Variants in TNS3 observed in about 807,000 individuals in gnomAD.
TNS3 encodes the protein tensin-3.
Under a neutral mutation model 140.9 loss-of-function variants are expected in TNS3, and 45 were observed. That is an observed-to-expected ratio of 0.32 (90% confidence interval 0.25 to 0.41). The LOEUF is 0.41. Ranked by LOEUF, TNS3 falls within the 10% of genes least tolerant of loss-of-function variation. TNS3 has a pLI of 1.00. For synonymous variants in TNS3, 815 were observed against 788.4 expected, an observed-to-expected ratio of 1.03 and a Z score of -0.56; for missense variants, 1,716 against 1,906.7, an observed-to-expected ratio of 0.90 and a Z score of 1.86.
intron 27 of TNS3, among the ~76,000 whole-genome samples, chr7:47,287,316 A>G (rs1785472388): frequency 6.6e-6 from 1 of 152,210 alleles, no homozygotes; most frequent in Middle Eastern, 3.2e-3. Flanking sequence ...TGGCCTTAAT[A>G]TTTAAAAAAA....
chr7:47,455,316 A>AC (rs1796202087), intron 4 of TNS3, among the ~76,000 whole-genome samples: 1 of 152,136 alleles, frequency 6.6e-6, no homozygotes, highest in South Asian at 2.1e-4. Context: ...TGAGAGGATC[A>AC]CCCCAACTCA....
chr7:47,278,029 C>T lies in TNS3; in HGVS notation c.*47G>A. 1 of 1,613,448 alleles carries T rather than the reference C, an allele frequency of 6.2e-7. No homozygotes were observed. On this transcript the variant is annotated 3_prime_UTR_variant, in exon 31 of 31. Transcript: ENST00000311160. ...CCCCACCCTCACCCAACGGCTGTCT[C>T]CAGGGCTTCGAGAGGCATCGGTGGG...
intron 12 of TNS3, among the ~76,000 whole-genome samples, chr7:47,413,511 G>C (rs1289618455): frequency 6.6e-6 from 1 of 151,718 alleles, no homozygotes. Context: ...AGGCCGAGAC[G>C]GGTAGATCAC....
intron 4 of TNS3, among the ~76,000 whole-genome samples, chr7:47,472,000 G>A (rs931424912): frequency 6.6e-6 from 1 of 152,194 alleles, no homozygotes; most frequent in Admixed American, 6.5e-5. Flanking sequence ...GCGGCAGGCT[G>A]CGCTCCTTCT....
At chr7:47,428,418 A>C in intron 8 of TNS3, 42 bp from the exon 9 acceptor site, 6 of 1,346,904 alleles carry the variant, frequency 4.5e-6, no homozygotes, top group Non-Finnish European at 5.8e-6. Context: ...CTGAAATCCC[A>C]CAGCAGAGAT....
chr7:47,566,808 G>C (rs1382800106), intron 1 of TNS3, among the ~76,000 whole-genome samples: 1 of 152,102 alleles, frequency 6.6e-6, no homozygotes, highest in Non-Finnish European at 1.5e-5. Context: ...GGGACACCCA[G>C]GCAGGTGGAT....
chr7:47,543,308 A>C (rs1799839390), intron 1 of TNS3, among the ~76,000 whole-genome samples: 1 of 152,204 alleles, frequency 6.6e-6, no homozygotes, highest in Non-Finnish European at 1.5e-5. Flanking sequence ...CTATCCAGCA[A>C]ACATCTTCAC....
chr7:47,351,990 ACACT>A (rs1045044843), intron 17 of TNS3, among the ~76,000 whole-genome samples: 3 of 152,086 alleles, frequency 2.0e-5, no homozygotes, highest in Admixed American at 1.3e-4. Context: ...ACATGTATGA[ACACT>A]CACTCTCACG....
chr7:47,472,364 A>G (rs892625242), intron 4 of TNS3, among the ~76,000 whole-genome samples: 1 of 152,180 alleles, frequency 6.6e-6, no homozygotes, highest in African/African-American at 2.4e-5. Context: ...TCCAGGTCGA[A>G]TGTTCTCATA....
intron 1 of TNS3, among the ~76,000 whole-genome samples, chr7:47,576,286 G>A (rs1381207962): frequency 1.3e-5 from 2 of 152,136 alleles, no homozygotes; most frequent in African/African-American, 2.4e-5. Flanking sequence ...GAGCCCAAAA[G>A]GAGGAAACAA....
chr7:47,340,164 C>T (rs1427060471), intron 20 of TNS3, among the ~76,000 whole-genome samples: 1 of 119,652 alleles, frequency 8.4e-6, no homozygotes, highest in Non-Finnish European at 1.6e-5. Flanking sequence ...TAGCTCGTCG[C>T]CAGGCTGGAA....
At chr7:47,455,017 A>G (rs960922207) in intron 4 of TNS3, among the ~76,000 whole-genome samples, 4 of 152,178 alleles carry the variant, frequency 2.6e-5, no homozygotes, top group African/African-American at 9.6e-5. Flanking sequence ...ATCCCCCTGC[A>G]GAGAGCCTGG....
chr7:47,310,932 G>A (rs1787049528), intron 20 of TNS3, among the ~76,000 whole-genome samples: 1 of 152,172 alleles, frequency 6.6e-6, no homozygotes. Flanking sequence ...GTATTCCATG[G>A]TGTATATGTG....
Position 47,304,947 on chromosome 7 carries a change from T to A in TNS3, c.2707A>T (p.Ile903Phe). Reference sequence around the variant, plus strand: ...CGGAGCATCGTGGATTTGGGTCCGATGGGGCTCTCTGACATCCCCACAGCG... The same window carrying A: ...CGGAGCATCGTGGATTTGGGTCCGAAGGGGCTCTCTGACATCCCCACAGCG... ...THAVGMSESP[I>F]GPKSTMLRAD... is the part of the protein sequence containing the mutation. The change falls in exon 21 of 31, where the codon ATC becomes TTC. Residue 903 changes from isoleucine to phenylalanine, a missense_variant. Ile to Phe is a conservative substitution (Grantham distance 21). This residue lies in a region of TNS3 where 1,163 missense variants were observed against 1,182.1 expected (regional missense o/e 0.98). Transcript: ENST00000311160. 1 of 1,423,466 alleles carries A rather than the reference T, an allele frequency of 7.0e-7. No homozygotes were observed. The highest frequency in any genetic ancestry group is 1.6e-5 in the South Asian group (1 of 61,000). The allele number at this position is 1,423,466 out of a possible 1,614,324, so 88.2% of individuals were successfully genotyped here.
At chr7:47,432,198 T>C (rs114225423) in intron 8 of TNS3, among the ~76,000 whole-genome samples, 2,052 of 152,318 alleles carry the variant, frequency 0.013, 41 homozygotes, top group African/African-American at 0.047. Flanking sequence ...TAAAAGATGA[T>C]TGGGTCATGA....
chr7:47,539,265 T>C (rs1799714045), intron 1 of TNS3: 1 of 378,196 alleles, frequency 2.6e-6, no homozygotes, highest in Admixed American at 3.1e-5. Context: ...TGGTTGAAGG[T>C]GGCTTTTTAT....
intron 17 of TNS3, among the ~76,000 whole-genome samples, chr7:47,362,991 A>AGCTGT (rs1562638570): frequency 0.016 from 4 of 250 alleles, no homozygotes; most frequent in Non-Finnish European, 0.028. Context: ...ACCATCACCA[A>AGCTGT]CATCATCACA....
intron 20 of TNS3, among the ~76,000 whole-genome samples, chr7:47,315,467 A>G (rs1787344436): frequency 1.3e-5 from 2 of 152,194 alleles, no homozygotes; most frequent in South Asian, 4.1e-4. Flanking sequence ...TCCTTTACCC[A>G]GAACAAGGGT....
chr7:47,280,864 G>C (rs941789137), intron 28 of TNS3, among the ~76,000 whole-genome samples: 2 of 151,874 alleles, frequency 1.3e-5, no homozygotes, highest in African/African-American at 4.8e-5. Flanking sequence ...AGTGGGCTGA[G>C]ATCGCTCCAC....
Sources: gnomAD v4.1 joint callset for allele counts (sites outside exome capture counted in the v4.1 genomes callset) on GRCh38, gnomAD v4.1.1 for gene constraint, gnomAD v4.1.1 regional missense constraint, MANE v1.5 for transcripts, NCBI Gene and HGNC (gene_info 2026-07-23, HGNC 2026-07-21) for gene names.